The following ATP13A3 variants were observed in gnomAD, a reference collection of about 807,000 sequenced individuals.
The protein encoded by ATP13A3 is ATPase 13A3.
Under a neutral mutation model 158.1 loss-of-function variants are expected in ATP13A3, and 59 were observed. The ratio of observed to expected loss-of-function variants is 0.37; its 90% CI spans 0.30 to 0.46. The LOEUF is 0.46. Among genes scored for constraint, ATP13A3 ranks in the 20% least tolerant of loss-of-function variants. The pLI, the probability that ATP13A3 is intolerant of heterozygous loss-of-function variation, is 1.00. For missense variants in ATP13A3, 1,166 were observed against 1,525.2 expected, an observed-to-expected ratio of 0.76 and a Z score of 3.92; for synonymous variants, 491 against 504.3, an observed-to-expected ratio of 0.97 and a Z score of 0.35.
chr3:194,410,402 AAAAC>A (rs1377643192), intron 33 of ATP13A3, among the ~76,000 whole-genome samples: 3 of 150,078 alleles, frequency 2.0e-5, no homozygotes, highest in Non-Finnish European at 3.0e-5. Context: ...CTATCTCTAC[AAAAC>A]AAACAAACAA....
rs58453461 is a variant in ATP13A3, at chr3:194,468,117, T to G, written c.-46-5881A>C. On this transcript the variant is annotated intron_variant, in intron 2 of 33. Transcript: ENST00000645319. ...ATTTCTGTTTCGGTTCTGTCTGAAC[T>G]GCTTTCAAAATGATTAAGGTATTAA... The G allele has an allele frequency of 2.1e-3, 327 of 152,310 alleles. 2 individuals are homozygous for G. Among genetic ancestry groups the G allele is most frequent in the African/African-American group, 7.5e-3 (310 of 41,572 alleles). The allele number at this position is 152,310 out of a possible 1,614,324, so 9.4% of individuals were successfully genotyped here.
chr3:194,475,609 A>G (rs149927712), intron 2 of ATP13A3, among the ~76,000 whole-genome samples: 406 of 152,298 alleles, frequency 2.7e-3, no homozygotes, highest in African/African-American at 9.4e-3. Flanking sequence ...ATAAGTTGCT[A>G]TTGAAGAAGT....
chr3:194,457,581 C>T (rs1342505450), intron 6 of ATP13A3, among the ~76,000 whole-genome samples: 5 of 152,048 alleles, frequency 3.3e-5, no homozygotes, highest in Admixed American at 6.6e-5. Flanking sequence ...TACATAGTTT[C>T]TCCTTTTCAA....
intron 4 of ATP13A3, 48 bp downstream of exon 4, chr3:194,460,610 T>C (rs1719581786): frequency 1.3e-6 from 2 of 1,568,922 alleles, no homozygotes; most frequent in Non-Finnish European, 8.7e-7. Flanking sequence ...CACAAAGACA[T>C]TGTTTTACTC....
intron 10 of ATP13A3, chr3:194,450,725 T>A (rs1044684439): frequency 6.4e-6 from 1 of 157,236 alleles, no homozygotes; most frequent in Non-Finnish European, 1.4e-5. Context: ...ATCTATAATA[T>A]TCCTTTTCTC....
Position 194,460,712 on chromosome 3 carries a change from C to G in ATP13A3, c.171G>C (p.Ala57=). 6.2e-7 allele frequency: 1 copy of G among 1,614,106 alleles called. No individual in the cohort carries two copies. Among genetic ancestry groups the G allele is most frequent in the Non-Finnish European group, 8.5e-7 (1 of 1,180,014 alleles). ...LYWMPEWRVK[A]TCVRAAIKDC... ...CTTTAATTGCAGCTCTGACACAGGT[C>G]GCTTTCACCCGCCACTCAGGCATCC... The change falls in exon 4 of 34, where the codon GCG becomes GCC. Residue 57 remains alanine, a synonymous_variant. Transcript: ENST00000645319.
intron 10 of ATP13A3, chr3:194,450,868 A>G (rs1017296807): frequency 2.0e-5 from 3 of 152,212 alleles, no homozygotes; most frequent in African/African-American, 4.8e-5. Context: ...TTATTTCCTT[A>G]CAAATTTTAG....
rs1217143948 is a variant in ATP13A3, at chr3:194,439,754, A to C, written c.1711-782T>G. Among the ~76,000 whole-genome samples the C allele has an allele frequency of 2.6e-5, 4 of 152,226 alleles. No individual in the cohort carries two copies. In the East Asian group the frequency reaches 7.7e-4, roughly 29 times the overall value. On this transcript the variant is annotated intron_variant, in intron 16 of 33. Coordinates refer to ENST00000645319, the MANE Select transcript of ATP13A3 (RefSeq NM_001367549.1). Reference sequence around the variant, plus strand: ...GCTATGTGAAACCATTTCACGGATAAGTAAGCTCTGGTGGGATCAAGCATC... The same window carrying C: ...GCTATGTGAAACCATTTCACGGATACGTAAGCTCTGGTGGGATCAAGCATC...
In ATP13A3 at chr3:194,468,867, TA is replaced by T. The variant is rs531512347; in HGVS notation, c.-46-6632del. Among the ~76,000 whole-genome samples, 352 of 152,204 alleles carry T rather than the reference TA, an allele frequency of 2.3e-3. 2 individuals carry two copies. The highest frequency in any genetic ancestry group is 0.01 in the Middle Eastern group (3 of 294). ...TTTGCCATCTTCAGCAGTACTGAAG[TA>T]AAAAACTAAAATTAAAAATGCATTA... is the stretch of plus-strand genomic sequence containing the variant. On this transcript the variant is annotated intron_variant, in intron 2 of 33. Transcript: ENST00000645319.
chr3:194,442,610 G>C (rs1436552519), intron 15 of ATP13A3, among the ~76,000 whole-genome samples: 1 of 152,032 alleles, frequency 6.6e-6, no homozygotes, highest in Admixed American at 6.5e-5. Context: ...ACCATGTGTT[G>C]TCCAACACAT....
intron 2 of ATP13A3, among the ~76,000 whole-genome samples, chr3:194,483,410 T>G: frequency 8.7e-6 from 1 of 115,488 alleles, no homozygotes. Context: ...GGCAACACGG[T>G]GAAAACCCAC....
At chr3:194,413,093 A>G (rs1715556711) in intron 32 of ATP13A3, 1 of 152,262 alleles carries the variant, frequency 6.6e-6, no homozygotes, top group Non-Finnish European at 1.5e-5. Context: ...TAGTTCAGAG[A>G]GCAGACAAAA....
Position 194,486,000 on chromosome 3 carries a change from G to A in ATP13A3, c.-88-165C>T, listed in dbSNP as rs189950561. Among the ~76,000 whole-genome samples, 358 of 152,154 alleles carry A rather than the reference G, an allele frequency of 2.4e-3. 1 individual carries two copies. Among genetic ancestry groups the A allele is most frequent in the Non-Finnish European group, 3.9e-3 (262 of 67,996 alleles). On this transcript the variant is annotated intron_variant, in intron 1 of 33. Coordinates refer to ENST00000645319, the MANE Select transcript of ATP13A3 (RefSeq NM_001367549.1). ...CATACTTCCACCAGAACCTGACTCTGTGAAGGGAATGGAGAGACAGAAAGG... is the reference window on the plus strand; with the variant it reads ...CATACTTCCACCAGAACCTGACTCTATGAAGGGAATGGAGAGACAGAAAGG...
intron 21 of ATP13A3, 133 bp downstream of exon 21, chr3:194,433,639 A>C: frequency 8.9e-7 from 1 of 1,117,634 alleles, no homozygotes. Context: ...AAATATTCAG[A>C]GCTAAAAGAG....
intron 31 of ATP13A3, among the ~76,000 whole-genome samples, chr3:194,416,683 C>A (rs1715879727): frequency 1.3e-5 from 2 of 152,044 alleles, no homozygotes; most frequent in South Asian, 2.1e-4. Flanking sequence ...AGAAAAAGCA[C>A]ATAAAGACTG....
At position 194,446,066 on chromosome 3, in the gene ATP13A3, C is replaced by G. The variant is rs556126444; in HGVS notation, c.1497+861G>C. On this transcript the variant is annotated intron_variant, in intron 14 of 33. Coordinates refer to ENST00000645319, the MANE Select transcript of ATP13A3 (RefSeq NM_001367549.1). ...TTACTGTCTAAAAAATTAAAGGTCA[C>G]GTAATCTTTACTGCTACTACTATTA... Among the ~76,000 whole-genome samples the G allele has an allele frequency of 2.6e-5, 4 of 152,188 alleles. No individual in the cohort carries two copies. In the South Asian group the frequency reaches 8.3e-4, roughly 32 times the overall value.
At chr3:194,478,519 G>A (rs1461106589) in intron 2 of ATP13A3, among the ~76,000 whole-genome samples, 1 of 152,108 alleles carries the variant, frequency 6.6e-6, no homozygotes, top group East Asian at 1.9e-4. Flanking sequence ...GTACTATAGT[G>A]AGAGATCCTA....
chr3:194,447,877 G>A lies in ATP13A3; in HGVS notation c.1283C>T (p.Thr428Ile). Residue 428 changes from threonine to isoleucine, a missense_variant, in exon 13 of 34, where the codon ACT becomes ATT. By Grantham distance (89) the Thr-to-Ile change is moderately conservative (BLOSUM62 -1). Coordinates refer to ENST00000645319, the MANE Select transcript of ATP13A3 (RefSeq NM_001367549.1). Reference sequence around the variant, plus strand: ...CTCATTTAAAATGCTATTAATAATAGTGTAGATAAACCCAATGCCAGCAAC... The same window carrying A: ...CTCATTTAAAATGCTATTAATAATAATGTAGATAAACCCAATGCCAGCAAC... ...VAVAGIGFIY[T>I]IINSILNEVQ... 1 of 1,611,520 alleles carries A rather than the reference G, an allele frequency of 6.2e-7. No homozygotes were observed.
Position 194,438,909 on chromosome 3 carries a change from G to T in ATP13A3, c.1774C>A (p.Arg592Ser). 6.2e-7 allele frequency: 1 copy of T among 1,610,112 alleles called. No individual in the cohort carries two copies. The highest frequency in any genetic ancestry group is 8.5e-7 in the Non-Finnish European group (1 of 1,178,048). Residue 592 changes from arginine (R) to serine (S), a missense_variant, in exon 17 of 34, where the codon CGT (arginine) becomes AGT (serine). By Grantham distance (110) the Arg-to-Ser change is moderately radical (BLOSUM62 -1). This residue lies in a region of ATP13A3 where 997 missense variants were observed against 1,341.2 expected (regional missense o/e 0.74). Transcript: ENST00000645319. ...LHNRIMPTVV[R>S]PPKQLLPEST... ...TCAGGAAGCAGTTGTTTGGGAGGACGAACCACTGTGGGCATAATTCGATTA... is the reference window on the plus strand; with the variant it reads ...TCAGGAAGCAGTTGTTTGGGAGGACTAACCACTGTGGGCATAATTCGATTA...
Sources: allele counts gnomAD v4.1 joint callset (sites outside exome capture counted in the v4.1 genomes callset), GRCh38; gene constraint gnomAD v4.1.1; regional missense constraint gnomAD v4.1.1; transcripts MANE v1.5; gene names NCBI Gene and HGNC (gene_info 2026-07-23, HGNC 2026-07-21).